The following TRIM44 variants were observed in gnomAD, a reference collection of about 807,000 sequenced individuals.
The protein encoded by TRIM44 is tripartite motif-containing protein 44.
TRIM44 carries 13 observed loss-of-function variants against 37.4 expected under a neutral mutation model. That is an observed-to-expected ratio of 0.35 (90% CI 0.23 to 0.55). TRIM44 has a LOEUF of 0.55. Among genes scored for constraint, TRIM44 ranks in the 20% least tolerant of loss-of-function variants. The pLI is 0.89. For synonymous variants in TRIM44, 175 were observed against 157.2 expected (o/e 1.11, Z -0.85); for missense variants, 426 against 437.2 (o/e 0.97, Z 0.23).
chr11:35,789,391 G>A (rs1287422564), intron 4 of TRIM44, among the ~76,000 whole-genome samples: 1 of 152,184 alleles, frequency 6.6e-6, no homozygotes, highest in Non-Finnish European at 1.5e-5. Flanking sequence ...AGTATGTGTA[G>A]GGTAGTGCTT....
intron 2 of TRIM44, among the ~76,000 whole-genome samples, chr11:35,701,047 G>C (rs751847749): frequency 4.6e-5 from 7 of 152,064 alleles, no homozygotes; most frequent in Non-Finnish European, 1.0e-4. Context: ...ACTGGGTTTA[G>C]GGTGGAGTCC....
chr11:35,699,926 A>G (rs1393317114), intron 2 of TRIM44, among the ~76,000 whole-genome samples: 2 of 152,122 alleles, frequency 1.3e-5, no homozygotes, highest in African/African-American at 4.8e-5. Context: ...AGAACTACAA[A>G]CCACTGCTCA....
intron 1 of TRIM44, among the ~76,000 whole-genome samples, chr11:35,665,586 G>GTTTTTTTTTTTTTTTTTTT (rs35522287): frequency 1.4e-5 from 1 of 71,518 alleles, no homozygotes; most frequent in Non-Finnish European, 2.7e-5. Flanking sequence ...TTATATATCT[G>GTTTTTTTTTTTTTTTTTTT]TTTTTTTTTT....
chr11:35,751,777 A>G (rs1281487412), intron 4 of TRIM44, among the ~76,000 whole-genome samples: 2 of 152,236 alleles, frequency 1.3e-5, no homozygotes, highest in Non-Finnish European at 2.9e-5. Context: ...AACATTTACC[A>G]GAAATAACAA....
chr11:35,663,849 G>T (rs1851304296), intron 1 of TRIM44, 69 bp downstream of exon 1: 2 of 1,510,724 alleles, frequency 1.3e-6, no homozygotes, highest in African/African-American at 2.8e-5. Context: ...AGGTGGCCTG[G>T]CTGTGACCAC....
intron 4 of TRIM44, among the ~76,000 whole-genome samples, chr11:35,777,869 C>T (rs1043340023): frequency 6.6e-6 from 1 of 152,200 alleles, no homozygotes; most frequent in African/African-American, 2.4e-5. Flanking sequence ...CCCGACCTTT[C>T]TCTCTGGCTG....
chr11:35,781,875 G>T (rs529278029), intron 4 of TRIM44, among the ~76,000 whole-genome samples: 11 of 152,294 alleles, frequency 7.2e-5, no homozygotes, highest in African/African-American at 2.6e-4. Flanking sequence ...AGCAGTAACG[G>T]GAACTAGAAA....
chr11:35,752,094 A>G lies in TRIM44; in HGVS notation c.1007+16649A>G, dbSNP rs546877768. 2.0e-5 allele frequency among the ~76,000 whole-genome samples: 3 copies of G among 151,954 alleles called. No homozygotes were observed. The South Asian group carries it at 6.2e-4, about 32-fold the overall frequency. ...AAATTCTTCTACCCTTTGCCTTCTT[A>G]GTAAGTGGCATTATTCTGTCTCAGG... On this transcript the variant is annotated intron_variant, in intron 4 of 4. Coordinates refer to ENST00000299413, the MANE Select transcript of TRIM44 (RefSeq NM_017583.6).
At chr11:35,740,422 T>G (rs1852381957) in intron 4 of TRIM44, among the ~76,000 whole-genome samples, 1 of 152,134 alleles carries the variant, frequency 6.6e-6, no homozygotes, top group African/African-American at 2.4e-5. Context: ...CAGGATTAGA[T>G]TTTGATTTGC....
chr11:35,751,888 G>C (rs879685986), intron 4 of TRIM44, among the ~76,000 whole-genome samples: 2 of 152,148 alleles, frequency 1.3e-5, no homozygotes, highest in Non-Finnish European at 2.9e-5. Context: ...AGGTGGTTTT[G>C]CTATTTCCAT....
chr11:35,776,045 G>C (rs1214327939), intron 4 of TRIM44, among the ~76,000 whole-genome samples: 1 of 151,042 alleles, frequency 6.6e-6, no homozygotes, highest in Non-Finnish European at 1.5e-5. Context: ...AGAAGGACTG[G>C]TACAGCTCCC....
chr11:35,703,303 C>T (rs1851821801), intron 2 of TRIM44, among the ~76,000 whole-genome samples: 1 of 152,236 alleles, frequency 6.6e-6, no homozygotes, highest in Non-Finnish European at 1.5e-5. Context: ...GCCTGCCTGC[C>T]TCTGTAGGCT....
At chr11:35,735,348 G>A in intron 3 of TRIM44, 78 bp from the exon 4 acceptor site, 1 of 1,455,268 alleles carries the variant, frequency 6.9e-7, no homozygotes. Flanking sequence ...TTGGGAGAGG[G>A]GAGGGAAAAG....
chr11:35,807,575 G>A lies in TRIM44; in HGVS notation c.*1190G>A, dbSNP rs1384035205. 6.6e-6 allele frequency: 1 copy of A among 152,152 alleles called. No individual in the cohort carries two copies. The highest frequency in any genetic ancestry group is 1.5e-5 in the Non-Finnish European group (1 of 68,014). The allele number at this position is 152,152 out of a possible 1,614,324, so 9.4% of individuals were successfully genotyped here. ...TTTGTGCTCCCGAGTAAGCAGGGATGTACTAGGGGAATGTAAAACTGCAAA... is the reference window on the plus strand; with the variant it reads ...TTTGTGCTCCCGAGTAAGCAGGGATATACTAGGGGAATGTAAAACTGCAAA... On this transcript the variant is annotated 3_prime_UTR_variant, in exon 5 of 5. Transcript: ENST00000299413.
rs149734513 is a variant in TRIM44, at chr11:35,662,944, C to G, written c.-168C>G. The G allele has an allele frequency of 3.9e-4, 472 of 1,197,820 alleles. 3 individuals carry two copies. In the African/African-American group the frequency reaches 7.0e-3, roughly 18 times the overall value. The allele number at this position is 1,197,820 out of a possible 1,614,324, so 74.2% of individuals were successfully genotyped here. A position where few individuals can be genotyped will look rare whatever the true frequency, so the allele number is the denominator to read the frequency against. ...CGGAAAGGGTCTTTGCTGCTGCGCC[C>G]GGGCAGGGGCTGCCGCGGCCCCAGG... On this transcript the variant is annotated 5_prime_UTR_variant, in exon 1 of 5. Transcript: ENST00000299413.
At chr11:35,707,545 G>T (rs1380006574) in intron 2 of TRIM44, among the ~76,000 whole-genome samples, 1 of 151,772 alleles carries the variant, frequency 6.6e-6, no homozygotes, top group Non-Finnish European at 1.5e-5. Context: ...AAACAGCATG[G>T]TACTGGTACC....
At chr11:35,685,103 A>G (rs1429426185) in intron 1 of TRIM44, among the ~76,000 whole-genome samples, 156 bp from the exon 2 acceptor site, 1 of 152,206 alleles carries the variant, frequency 6.6e-6, no homozygotes, top group Non-Finnish European at 1.5e-5. Context: ...GTCCATAGAG[A>G]AGGGAAAGAG....
At chr11:35,760,270 G>A (rs560823893) in intron 4 of TRIM44, among the ~76,000 whole-genome samples, 6 of 152,310 alleles carry the variant, frequency 3.9e-5, no homozygotes, top group Non-Finnish European at 7.4e-5. Flanking sequence ...GCGAGGCTCC[G>A]TGGGCGTAGG....
rs1166598575 is a variant in TRIM44 at position 35,810,754 on chromosome 11, A to AGTCT, written c.*4370_*4373dup. ...TACTTAATGAGGGTTAAACCTGACCAGTCTTTCTACAGTGACAGGCCACAC... is the reference window on the plus strand; with the variant it reads ...TACTTAATGAGGGTTAAACCTGACCAGTCTGTCTTTCTACAGTGACAGGCCACAC... On this transcript the variant is annotated 3_prime_UTR_variant, in exon 5 of 5. Transcript: ENST00000299413. 5 of 152,326 alleles carry AGTCT rather than the reference A, an allele frequency of 3.3e-5. 1 individual carries two copies. The South Asian group carries it at 8.3e-4, about 25-fold the overall frequency. The allele number at this position is 152,326 out of a possible 1,614,324, so 9.4% of individuals were successfully genotyped here.
Sources: allele counts gnomAD v4.1 joint callset (sites outside exome capture counted in the v4.1 genomes callset), GRCh38; gene constraint gnomAD v4.1.1; transcripts MANE v1.5; gene names NCBI Gene and HGNC (gene_info 2026-07-23, HGNC 2026-07-21).